Variants in ELOVL2 observed in about 807,000 individuals in gnomAD.
ELOVL2 encodes ELOVL fatty acid elongase 2, also known as very long chain fatty acid elongase 2.
ELOVL2 carries 38 observed loss-of-function variants against 37.7 expected under a neutral mutation model. The observed-to-expected ratio is 1.01, with a 90% CI of 0.78 to 1.32. The LOEUF (loss-of-function observed/expected upper bound fraction) is 1.32. Ranked by LOEUF, ELOVL2 falls within the 40% of genes most tolerant of loss-of-function variation. The pLI is 0.00. For missense variants in ELOVL2, 352 were observed against 363.6 expected (o/e 0.97, Z 0.26); for synonymous variants, 115 against 122.3 (o/e 0.94, Z 0.40).
chr6:11,003,927 A>G (rs1277239357), intron 3 of ELOVL2, among the ~76,000 whole-genome samples: 1 of 152,074 alleles, frequency 6.6e-6, no homozygotes, highest in Non-Finnish European at 1.5e-5. Context: ...ACTAAAAAAA[A>G]AAAAAATTAG....
intron 2 of ELOVL2, among the ~76,000 whole-genome samples, chr6:11,008,019 T>C (rs1286061721): frequency 6.6e-6 from 1 of 152,220 alleles, no homozygotes; most frequent in African/African-American, 2.4e-5. Context: ...GTGTTAGCTC[T>C]TCCTCTGAGT....
chr6:10,989,491 A>G (rs1782105994), intron 7 of ELOVL2, among the ~76,000 whole-genome samples: 1 of 152,174 alleles, frequency 6.6e-6, no homozygotes, highest in South Asian at 2.1e-4. Flanking sequence ...CATCTGTACT[A>G]AAAATACAAC....
At chr6:11,041,194 T>C (rs1016431969) in intron 1 of ELOVL2, among the ~76,000 whole-genome samples, 7 of 152,180 alleles carry the variant, frequency 4.6e-5, no homozygotes, top group Non-Finnish European at 8.8e-5. Context: ...TGCAAACCTG[T>C]CAAGTTAGAT....
chr6:10,993,835 T>C (rs1437758981), intron 5 of ELOVL2, among the ~76,000 whole-genome samples: 4 of 147,454 alleles, frequency 2.7e-5, no homozygotes, highest in Non-Finnish European at 6.0e-5. Context: ...GTATTACAAG[T>C]GCACGTCACC....
chr6:10,983,938 T>TA, intron 7 of ELOVL2, 32 bp from the exon 8 acceptor site: 1 of 1,575,660 alleles, frequency 6.3e-7, no homozygotes, highest in Non-Finnish European at 8.6e-7. Context: ...AAGAGAAAAA[T>TA]AAAAAGGTTA....
chr6:10,988,403 A>G (rs531573686), intron 7 of ELOVL2, among the ~76,000 whole-genome samples: 7 of 152,290 alleles, frequency 4.6e-5, no homozygotes, highest in Non-Finnish European at 7.4e-5. Flanking sequence ...CATCTCTACT[A>G]AAAATACAAG....
chr6:11,020,293 G>C (rs1782746278), intron 1 of ELOVL2, among the ~76,000 whole-genome samples: 1 of 152,140 alleles, frequency 6.6e-6, no homozygotes, highest in African/African-American at 2.4e-5. Context: ...GTATGACCCT[G>C]TTTGAGAAAT....
intron 1 of ELOVL2, among the ~76,000 whole-genome samples, chr6:11,013,754 G>T (rs1242205200): frequency 1.3e-5 from 2 of 151,980 alleles, no homozygotes; most frequent in Non-Finnish European, 2.9e-5. Context: ...GTTAGAATTG[G>T]GTGGATGAGA....
intron 1 of ELOVL2, among the ~76,000 whole-genome samples, chr6:11,023,616 T>G (rs1782799421): frequency 6.6e-6 from 1 of 152,230 alleles, no homozygotes; most frequent in South Asian, 2.1e-4. Flanking sequence ...TCTTTTAAGC[T>G]ATAAAACCAA....
chr6:10,990,780 G>A (rs1782146288), intron 5 of ELOVL2, among the ~76,000 whole-genome samples: 1 of 152,046 alleles, frequency 6.6e-6, no homozygotes. Flanking sequence ...TAAAGCTGTT[G>A]GCAGAATTCC....
At chr6:10,995,424 A>G (rs997082287) in intron 4 of ELOVL2, among the ~76,000 whole-genome samples, 1 of 1,788 alleles carries the variant, frequency 5.6e-4, no homozygotes, top group Non-Finnish European at 9.9e-4. Context: ...CTGCATCCGC[A>G]GAACCCAAGT....
chr6:11,038,174 G>A (rs1783043384), intron 1 of ELOVL2, among the ~76,000 whole-genome samples: 1 of 152,134 alleles, frequency 6.6e-6, no homozygotes, highest in East Asian at 1.9e-4. Flanking sequence ...TCTCACAAAA[G>A]TTTTTTTGTG....
chr6:10,994,962 C>G (rs1384238518), intron 5 of ELOVL2, 45 bp downstream of exon 5: 1 of 1,477,206 alleles, frequency 6.8e-7, no homozygotes, highest in Non-Finnish European at 9.2e-7. Flanking sequence ...CCAGTGGTCT[C>G]TAAGAGCCAT....
chr6:11,022,298 G>A (rs112436579), intron 1 of ELOVL2, among the ~76,000 whole-genome samples: 269 of 152,258 alleles, frequency 1.8e-3, no homozygotes, highest in African/African-American at 6.1e-3. Flanking sequence ...TGGTATGAAC[G>A]GCAGTGAGCA....
intron 1 of ELOVL2, among the ~76,000 whole-genome samples, chr6:11,017,969 C>T (rs541007063): frequency 2.3e-4 from 35 of 152,308 alleles, no homozygotes; most frequent in Admixed American, 1.4e-3. Flanking sequence ...ACTTCGCATT[C>T]CTAGTTATAT....
At chr6:11,040,755 C>G (rs1361776862) in intron 1 of ELOVL2, among the ~76,000 whole-genome samples, 3 of 152,138 alleles carry the variant, frequency 2.0e-5, no homozygotes, top group Admixed American at 2.0e-4. Flanking sequence ...ACTCCAAGCA[C>G]TGTTTTAGAC....
rs1554114355 is a variant in ELOVL2 at position 11,043,467 on chromosome 6, AACAC to A, written c.3+757_3+760del. The stretch of plus-strand genomic sequence containing the variant: ...TCAGGCAGTTCATCGGACACGGGTG[AACAC>A]ACACACACACACACACAGCTTACTG... On this transcript the variant is annotated intron_variant, in intron 1 of 7. Transcript: ENST00000354666. 58 of 107,254 alleles carry A rather than the reference AACAC, an allele frequency of 5.4e-4. 2 individuals are homozygous for A. The highest frequency in any genetic ancestry group is 1.3e-3 in the African/African-American group (34 of 26,044). The allele number at this position is 107,254 out of a possible 1,614,324, so 6.6% of individuals were successfully genotyped here.
chr6:11,036,632 A>G (rs1225920649), intron 1 of ELOVL2, among the ~76,000 whole-genome samples: 1 of 152,220 alleles, frequency 6.6e-6, no homozygotes, highest in Non-Finnish European at 1.5e-5. Context: ...TAGAACAGTC[A>G]TGAAATCTGC....
intron 1 of ELOVL2, among the ~76,000 whole-genome samples, chr6:11,029,749 C>T (rs966301587): frequency 5.9e-5 from 9 of 152,110 alleles, no homozygotes; most frequent in Admixed American, 3.3e-4. Context: ...GGTTGACAGT[C>T]AATGTAACTA....
Sources: allele counts gnomAD v4.1 joint callset (sites outside exome capture counted in the v4.1 genomes callset), GRCh38; gene constraint gnomAD v4.1.1; transcripts MANE v1.5; gene names NCBI Gene and HGNC (gene_info 2026-07-23, HGNC 2026-07-21).